The following PSD3 variants were observed in gnomAD, a reference collection of about 807,000 sequenced individuals.
The protein encoded by PSD3 is PH and SEC7 domain-containing protein 3.
A neutral mutation model predicts 105.5 loss-of-function variants in PSD3; 49 were observed. That is an observed-to-expected ratio of 0.46 (90% CI 0.37 to 0.59). The LOEUF (loss-of-function observed/expected upper bound fraction) is 0.59. Ranked by LOEUF, PSD3 falls within the 20% of genes least tolerant of loss-of-function variation. The pLI is 0.00. For synonymous variants in PSD3, 557 were observed against 457.8 expected (o/e 1.22, Z -2.77); for missense variants, 1,561 against 1,263.8 (o/e 1.24, Z -3.57).
At chr8:18,985,484 G>C (rs1236800147) in intron 1 of PSD3, among the ~76,000 whole-genome samples, 2 of 152,138 alleles carry the variant, frequency 1.3e-5, no homozygotes, top group African/African-American at 2.4e-5. Flanking sequence ...GTTAAGAGAT[G>C]ATATAAAACA....
At chr8:18,760,671 G>A (rs1364090227) in intron 9 of PSD3, among the ~76,000 whole-genome samples, 1 of 152,156 alleles carries the variant, frequency 6.6e-6, no homozygotes, top group Non-Finnish European at 1.5e-5. Flanking sequence ...TATCTGGGCT[G>A]TTATGAATTT....
chr8:18,557,685 A>G (rs1373115885), intron 14 of PSD3, among the ~76,000 whole-genome samples: 3 of 152,238 alleles, frequency 2.0e-5, no homozygotes, highest in Non-Finnish European at 4.4e-5. Context: ...ACACTCCAAG[A>G]AGTCCCAGAA....
chr8:18,855,379 C>G (rs1815925323), intron 4 of PSD3, among the ~76,000 whole-genome samples: 1 of 152,040 alleles, frequency 6.6e-6, no homozygotes, highest in South Asian at 2.1e-4. Flanking sequence ...TGCACATCGC[C>G]ATGCTGTTTG....
intron 12 of PSD3, among the ~76,000 whole-genome samples, chr8:18,579,626 G>A (rs1042874831): frequency 1.1e-4 from 17 of 151,898 alleles, no homozygotes; most frequent in African/African-American, 4.1e-4. Flanking sequence ...TTTTCCCTGA[G>A]AAACTTGTTA....
intron 11 of PSD3, among the ~76,000 whole-genome samples, chr8:18,623,464 A>C (rs1175203617): frequency 1.1e-4 from 17 of 149,650 alleles, no homozygotes; most frequent in African/African-American, 3.4e-4. Context: ...AAAAAAAAAA[A>C]AAAAAAGAAA....
At chr8:19,024,810 C>T (rs1297866047) in intron 1 of PSD3, among the ~76,000 whole-genome samples, 1 of 152,046 alleles carries the variant, frequency 6.6e-6, no homozygotes, top group African/African-American at 2.4e-5. Context: ...GTGGTGTGCC[C>T]AGAGAGGGCA....
chr8:18,538,663 AGG>A, intron 15 of PSD3, among the ~76,000 whole-genome samples: 1 of 152,348 alleles, frequency 6.6e-6, no homozygotes, highest in South Asian at 2.1e-4. Flanking sequence ...ATCACTTGAA[AGG>A]GGACAAAAGG....
chr8:18,706,892 G>A (rs1048920077), intron 9 of PSD3, among the ~76,000 whole-genome samples: 2 of 152,130 alleles, frequency 1.3e-5, no homozygotes, highest in Non-Finnish European at 2.9e-5. Flanking sequence ...AGCTTAGACA[G>A]CATTTATTTA....
At chr8:18,807,796 A>G (rs1432338982) in intron 4 of PSD3, among the ~76,000 whole-genome samples, 1 of 152,174 alleles carries the variant, frequency 6.6e-6, no homozygotes, top group Non-Finnish European at 1.5e-5. Flanking sequence ...TTCATCCTAC[A>G]TCTTCCTTTA....
At chr8:19,007,560 T>C (rs150318669) in intron 1 of PSD3, among the ~76,000 whole-genome samples, 3,485 of 152,176 alleles carry the variant, frequency 0.023, 105 homozygotes, top group Non-Finnish European at 0.036. Flanking sequence ...ATCGATTCTA[T>C]AAAGTTCACA....
chr8:18,841,088 T>C (rs1814581550), intron 4 of PSD3, among the ~76,000 whole-genome samples: 2 of 152,194 alleles, frequency 1.3e-5, no homozygotes, highest in Admixed American at 6.5e-5. Flanking sequence ...AGTCCCATGA[T>C]TTCAGTTGGG....
chr8:19,039,317 T>C (rs1334056345), intron 1 of PSD3, among the ~76,000 whole-genome samples: 1 of 152,244 alleles, frequency 6.6e-6, no homozygotes, highest in Non-Finnish European at 1.5e-5. Context: ...TGCTCATTTC[T>C]GGGCTTCAGT....
chr8:18,899,695 C>T (rs967274187), intron 2 of PSD3, among the ~76,000 whole-genome samples: 1 of 152,024 alleles, frequency 6.6e-6, no homozygotes, highest in Admixed American at 6.6e-5. Flanking sequence ...AAGGCAGTCC[C>T]TTACTGGCAA....
rs531236492 is a variant in PSD3 at position 18,827,185 on chromosome 8, A to C, written c.1635-22287T>G. Among the ~76,000 whole-genome samples the C allele has an allele frequency of 4.6e-5, 7 of 152,336 alleles. No homozygotes were observed. In the South Asian group the frequency reaches 1.5e-3, roughly 32 times the overall value. On this transcript the variant is annotated intron_variant, in intron 4 of 15. Transcript: ENST00000327040. Reference sequence around the variant, plus strand: ...CTTCATAGTCTAGAGAGTGAACACAAACTCTGCACAGAAAACTATATGCAA... The same window carrying C: ...CTTCATAGTCTAGAGAGTGAACACACACTCTGCACAGAAAACTATATGCAA...
chr8:18,545,409 A>G (rs6982491), intron 15 of PSD3, among the ~76,000 whole-genome samples: 10,253 of 152,184 alleles, frequency 0.067, 760 homozygotes, highest in African/African-American at 0.17. Context: ...AGCTGAGTAT[A>G]AAATTAAAAA....
chr8:18,940,332 G>C (rs1822451424), intron 1 of PSD3: 1 of 152,236 alleles, frequency 6.6e-6, no homozygotes, highest in South Asian at 2.1e-4. Context: ...TGGGGCCTGG[G>C]ACTCCGCATT....
rs141308770 is a variant in PSD3, at chr8:18,537,155, G to A, written c.2929-1197C>T. Among the ~76,000 whole-genome samples the A allele has an allele frequency of 3.1e-3, 470 of 152,262 alleles. 3 individuals carry two copies. Among genetic ancestry groups the A allele is most frequent in the Non-Finnish European group, 2.2e-3 (150 of 68,022 alleles). ...GTTGGCCAGGATTCAAGTGGGGTGT[G>A]AGCGCTGGTTGCCGATGATGACATT... On this transcript the variant is annotated intron_variant, in intron 15 of 15. Coordinates refer to ENST00000327040, the MANE Select transcript of PSD3 (RefSeq NM_015310.4).
intron 1 of PSD3, among the ~76,000 whole-genome samples, chr8:18,972,209 C>T (rs1324529733): frequency 2.6e-5 from 4 of 152,180 alleles, no homozygotes; most frequent in Non-Finnish European, 5.9e-5. Context: ...GTCAACTAGG[C>T]TCCTACTTTA....
chr8:18,980,739 A>G (rs1302054631), intron 1 of PSD3, among the ~76,000 whole-genome samples: 3 of 152,130 alleles, frequency 2.0e-5, no homozygotes, highest in African/African-American at 7.2e-5. Context: ...CAATAAACAT[A>G]TCCAACTGAT....
Sources: gnomAD v4.1 joint callset for allele counts (sites outside exome capture counted in the v4.1 genomes callset) on GRCh38, gnomAD v4.1.1 for gene constraint, MANE v1.5 for transcripts, NCBI Gene and HGNC (gene_info 2026-07-23, HGNC 2026-07-21) for gene names.